TRAPPC9: variants seen among roughly 807,000 people sequenced by gnomAD.
TRAPPC9 encodes the protein trafficking protein particle complex subunit 9, also known as IKK2 binding protein.
In TRAPPC9, 83 loss-of-function variants were observed where a neutral mutation model predicts 124.0. That is an observed-to-expected ratio of 0.67 (90% confidence interval 0.56 to 0.80). The LOEUF is 0.80. Ranked by LOEUF, TRAPPC9 falls within the 30% of genes least tolerant of loss-of-function variation. The probability of loss-of-function intolerance (pLI) is 0.00; values close to 1 mark genes in which losing one functional copy is unlikely to be tolerated. For synonymous variants in TRAPPC9, 638 were observed against 617.5 expected, an observed-to-expected ratio of 1.03 and a Z score of -0.49; for missense variants, 1,302 against 1,508.3, an observed-to-expected ratio of 0.86 and a Z score of 2.27.
At chr8:140,315,233 C>CTTT (rs61220260) in intron 9 of TRAPPC9, among the ~76,000 whole-genome samples, 22 of 107,164 alleles carry the variant, frequency 2.1e-4, no homozygotes, top group East Asian at 1.1e-3. Context: ...ATTTGTATGT[C>CTTT]TTTTTTTTTT....
intron 21 of TRAPPC9, among the ~76,000 whole-genome samples, chr8:139,847,264 C>T (rs539535822): frequency 1.3e-5 from 2 of 152,258 alleles, no homozygotes; most frequent in Non-Finnish European, 2.9e-5. Flanking sequence ...GTTTTCTGAG[C>T]GGGGGAAACA....
intron 21 of TRAPPC9, among the ~76,000 whole-genome samples, chr8:139,749,632 C>T (rs181334179): frequency 3.3e-5 from 5 of 152,254 alleles, no homozygotes; most frequent in East Asian, 1.9e-4. Context: ...TCAGTGCTTA[C>T]GAGGTTAAAC....
chr8:139,918,710 C>T (rs530285085), intron 19 of TRAPPC9, among the ~76,000 whole-genome samples: 16 of 152,342 alleles, frequency 1.1e-4, no homozygotes, highest in African/African-American at 3.1e-4. Flanking sequence ...TGCACTTCTC[C>T]GGATCAATGT....
intron 21 of TRAPPC9, among the ~76,000 whole-genome samples, chr8:139,777,662 T>C (rs1821487287): frequency 6.6e-6 from 1 of 152,204 alleles, no homozygotes; most frequent in African/African-American, 2.4e-5. Flanking sequence ...GGCTTCTGCT[T>C]CCAGTCAAGA....
At chr8:140,304,641 C>T (rs966678683) in intron 10 of TRAPPC9, among the ~76,000 whole-genome samples, 4 of 152,312 alleles carry the variant, frequency 2.6e-5, no homozygotes, top group Non-Finnish European at 4.4e-5. Flanking sequence ...AGGCCTGCCA[C>T]GGACCAGGTG....
At chr8:139,839,370 T>C (rs944075592) in intron 21 of TRAPPC9, among the ~76,000 whole-genome samples, 1 of 152,142 alleles carries the variant, frequency 6.6e-6, no homozygotes, top group African/African-American at 2.4e-5. Flanking sequence ...AGGGGTCCTA[T>C]GCAGCCCCAG....
chr8:140,102,505 A>G (rs1587712477), intron 17 of TRAPPC9, among the ~76,000 whole-genome samples: 1 of 152,284 alleles, frequency 6.6e-6, no homozygotes, highest in East Asian at 1.9e-4. Context: ...GCATGCACGC[A>G]CACACACAGA....
intron 14 of TRAPPC9, among the ~76,000 whole-genome samples, chr8:140,280,801 A>G (rs1198716950): frequency 6.6e-6 from 1 of 152,190 alleles, no homozygotes; most frequent in Admixed American, 6.5e-5. Context: ...CAATCAGTTT[A>G]GTCCCCACAC....
intron 9 of TRAPPC9, among the ~76,000 whole-genome samples, chr8:140,349,318 A>G (rs2067461079): frequency 7.5e-6 from 1 of 133,822 alleles, no homozygotes; most frequent in African/African-American, 2.9e-5. Context: ...GAGGCACGCA[A>G]GGAGAGGGCA....
intron 21 of TRAPPC9, among the ~76,000 whole-genome samples, chr8:139,734,762 A>C (rs1818047467): frequency 6.6e-6 from 1 of 152,262 alleles, no homozygotes; most frequent in Admixed American, 6.5e-5. Context: ...GAGCTGGGGC[A>C]TGCCAAGCCT....
intron 16 of TRAPPC9, among the ~76,000 whole-genome samples, chr8:140,226,269 G>A (rs373752881): frequency 3.3e-5 from 5 of 152,108 alleles, no homozygotes; most frequent in Non-Finnish European, 7.4e-5. Flanking sequence ...AAAAGACTCC[G>A]GTTTGTCTTC....
intron 21 of TRAPPC9, chr8:139,881,050 C>G (rs951340640): frequency 6.6e-6 from 1 of 152,262 alleles, no homozygotes; most frequent in Non-Finnish European, 1.5e-5. Flanking sequence ...CAACATGCCT[C>G]TGTGCCCACA....
chr8:140,279,105 G>T (rs562711410), intron 14 of TRAPPC9, among the ~76,000 whole-genome samples: 2 of 152,212 alleles, frequency 1.3e-5, no homozygotes, highest in Admixed American at 1.3e-4. Context: ...TGTGGATCTT[G>T]TAAGGCCCAG....
intron 19 of TRAPPC9, among the ~76,000 whole-genome samples, chr8:139,942,250 C>G (rs1351617114): frequency 1.3e-5 from 2 of 152,154 alleles, no homozygotes; most frequent in Non-Finnish European, 2.9e-5. Context: ...CGAGGGTTCT[C>G]CCTCATTTTG....
At chr8:140,029,460 A>G (rs2131956964) in intron 17 of TRAPPC9, among the ~76,000 whole-genome samples, 1 of 152,270 alleles carries the variant, frequency 6.6e-6, no homozygotes, top group Admixed American at 6.5e-5. Flanking sequence ...AGCCAAGATC[A>G]TGCCACTTTC....
At chr8:139,769,020 G>A (rs564598269) in intron 21 of TRAPPC9, among the ~76,000 whole-genome samples, 104 of 152,258 alleles carry the variant, frequency 6.8e-4, no homozygotes, top group African/African-American at 1.9e-3. Flanking sequence ...CAGTGCTGCC[G>A]ACATCTTGAC....
intron 10 of TRAPPC9, among the ~76,000 whole-genome samples, chr8:140,303,784 A>G (rs574393141): frequency 2.0e-5 from 3 of 152,356 alleles, no homozygotes; most frequent in African/African-American, 7.2e-5. Context: ...CATGCTACAG[A>G]GAACAAGTAA....
intron 20 of TRAPPC9, among the ~76,000 whole-genome samples, chr8:139,894,158 C>A (rs1830521130): frequency 6.6e-6 from 1 of 152,232 alleles, no homozygotes; most frequent in African/African-American, 2.4e-5. Context: ...AGGTTTCGGG[C>A]AACTAATTTT....
chr8:140,029,888 A>T (rs1044162502), intron 17 of TRAPPC9, among the ~76,000 whole-genome samples: 7 of 152,056 alleles, frequency 4.6e-5, no homozygotes, highest in Non-Finnish European at 2.9e-5. Context: ...AAATGTAAAA[A>T]ATATTTTTAA....
Sources: allele counts gnomAD v4.1 joint callset (sites outside exome capture counted in the v4.1 genomes callset), GRCh38; gene constraint gnomAD v4.1.1; transcripts MANE v1.5; gene names NCBI Gene and HGNC (gene_info 2026-07-23, HGNC 2026-07-21).